AGBL1: variants seen among roughly 807,000 people sequenced by gnomAD.
AGBL1 encodes the protein cytosolic carboxypeptidase 4.
A neutral mutation model predicts 118.9 loss-of-function variants in AGBL1; 130 were observed. The ratio of observed to expected loss-of-function variants is 1.09; its 90% CI spans 0.95 to 1.26. AGBL1 has a LOEUF of 1.26. AGBL1 is among the 50% of genes most tolerant of loss of function. AGBL1 has a pLI of 0.00. For synonymous variants in AGBL1, 555 were observed against 478.9 expected, an observed-to-expected ratio of 1.16 and a Z score of -2.08; for missense variants, 1,584 against 1,298.1, an observed-to-expected ratio of 1.22 and a Z score of -3.38.
At chr15:86,409,150 A>G (rs762370229) in intron 18 of AGBL1, among the ~76,000 whole-genome samples, 1 of 152,176 alleles carries the variant, frequency 6.6e-6, no homozygotes, top group South Asian at 2.1e-4. Flanking sequence ...GGCATCCGCA[A>G]TGCGTCTTCA....
intron 22 of AGBL1, among the ~76,000 whole-genome samples, chr15:86,715,799 C>T (rs1198751668): frequency 6.6e-6 from 1 of 152,092 alleles, no homozygotes; most frequent in African/African-American, 2.4e-5. Context: ...TGGCTCACAC[C>T]TGTAATCCCA....
intron 18 of AGBL1, among the ~76,000 whole-genome samples, chr15:86,432,263 A>G (rs1253716542): frequency 6.6e-6 from 1 of 152,174 alleles, no homozygotes; most frequent in Non-Finnish European, 1.5e-5. Flanking sequence ...GTTTTTACCT[A>G]GGGTATTTTT....
intron 18 of AGBL1, among the ~76,000 whole-genome samples, chr15:86,520,062 C>T (rs1202125518): frequency 6.6e-6 from 1 of 152,140 alleles, no homozygotes; most frequent in Non-Finnish European, 1.5e-5. Flanking sequence ...GCCTGGAGTT[C>T]TTAGTCAAGA....
chr15:86,818,752 G>A (rs1484244931), intron 22 of AGBL1, among the ~76,000 whole-genome samples: 2 of 152,160 alleles, frequency 1.3e-5, no homozygotes, highest in African/African-American at 2.4e-5. Context: ...GTACAACATC[G>A]TGGCTCAGCA....
intron 1 of AGBL1, among the ~76,000 whole-genome samples, chr15:86,095,595 A>T (rs575506572): frequency 1.3e-5 from 2 of 151,354 alleles, no homozygotes; most frequent in East Asian, 3.9e-4. Context: ...CTGGGGATGA[A>T]GACCAAATAT....
chr15:86,861,429 T>G (rs1383159737), intron 22 of AGBL1, among the ~76,000 whole-genome samples: 1 of 152,244 alleles, frequency 6.6e-6, no homozygotes, highest in Non-Finnish European at 1.5e-5. Context: ...AGTTAGGTTA[T>G]GTTATTATCC....
chr15:86,409,867 C>T (rs2081585506), intron 18 of AGBL1, among the ~76,000 whole-genome samples: 2 of 152,106 alleles, frequency 1.3e-5, no homozygotes, highest in Non-Finnish European at 1.5e-5. Flanking sequence ...TTCCTTCCTC[C>T]CCTCCTCTGA....
At chr15:86,560,941 T>C (rs554738512) in intron 21 of AGBL1, among the ~76,000 whole-genome samples, 1 of 152,326 alleles carries the variant, frequency 6.6e-6, no homozygotes, top group South Asian at 2.1e-4. Flanking sequence ...ATGTCTTCTT[T>C]TGAGAAGTGT....
intron 19 of AGBL1, 56 bp downstream of exon 19, chr15:86,522,995 A>AAGCAG: frequency 6.4e-7 from 1 of 1,570,666 alleles, no homozygotes; most frequent in Non-Finnish European, 8.8e-7. Flanking sequence ...ACCTTCCAGG[A>AAGCAG]AGCAGAGTAT....
At chr15:86,791,751 T>TATATATATATATATA (rs1596484565) in intron 22 of AGBL1, among the ~76,000 whole-genome samples, 5 of 149,406 alleles carry the variant, frequency 3.3e-5, no homozygotes, top group Non-Finnish European at 4.4e-5. Context: ...TATATATATA[T>TATATATATATATATA]TTTGAGACAG....
intron 6 of AGBL1, among the ~76,000 whole-genome samples, chr15:86,246,041 A>G (rs1234094760): frequency 6.6e-6 from 1 of 152,056 alleles, no homozygotes; most frequent in East Asian, 1.9e-4. Context: ...GCAAGCCACC[A>G]CATTTGGCTT....
intron 22 of AGBL1, among the ~76,000 whole-genome samples, chr15:86,689,654 C>A (rs2086127847): frequency 6.6e-6 from 1 of 151,930 alleles, no homozygotes; most frequent in South Asian, 2.1e-4. Context: ...ACACCCATGG[C>A]ATTACCTCAA....
At chr15:86,976,870 T>C (rs184243795) in intron 23 of AGBL1, among the ~76,000 whole-genome samples, 340 of 152,182 alleles carry the variant, frequency 2.2e-3, no homozygotes, top group African/African-American at 7.7e-3. Flanking sequence ...TGTATGGATC[T>C]GTTGCTGTCC....
chr15:86,996,756 G>A (rs2081384037), intron 24 of AGBL1, among the ~76,000 whole-genome samples: 1 of 152,122 alleles, frequency 6.6e-6, no homozygotes, highest in Non-Finnish European at 1.5e-5. Context: ...CTAAAGCATG[G>A]TTTTGACTGA....
intron 22 of AGBL1, among the ~76,000 whole-genome samples, chr15:86,797,260 T>G (rs959551319): frequency 2.2e-4 from 34 of 152,218 alleles, no homozygotes; most frequent in African/African-American, 7.0e-4. Flanking sequence ...TGACATTTTG[T>G]GGGTATGCAC....
chr15:86,778,563 T>C (rs140793559), intron 22 of AGBL1, among the ~76,000 whole-genome samples: 8,148 of 152,264 alleles, frequency 0.054, 304 homozygotes, highest in Admixed American at 0.086. Flanking sequence ...TCAGCGATAT[T>C]TCTCCCATTT....
At chr15:86,308,788 T>A (rs78305580) in intron 17 of AGBL1, among the ~76,000 whole-genome samples, 1,883 of 152,344 alleles carry the variant, frequency 0.012, 12 homozygotes, top group Non-Finnish European at 0.019. Context: ...GTAAGTTCGT[T>A]TTTATGATAG....
chr15:86,269,668 TA>T (rs1307450929), intron 13 of AGBL1, among the ~76,000 whole-genome samples: 1 of 152,300 alleles, frequency 6.6e-6, no homozygotes, highest in East Asian at 1.9e-4. Context: ...CATAATAGTT[TA>T]AAAAAATTTA....
intron 5 of AGBL1, among the ~76,000 whole-genome samples, chr15:86,211,498 T>C (rs1198572230): frequency 6.6e-6 from 1 of 152,196 alleles, no homozygotes; most frequent in African/African-American, 2.4e-5. Flanking sequence ...CTCCACCCAG[T>C]TCAAGCTTCC....
Sources: gnomAD v4.1 joint callset for allele counts (sites outside exome capture counted in the v4.1 genomes callset) on GRCh38, gnomAD v4.1.1 for gene constraint, MANE v1.5 for transcripts, NCBI Gene and HGNC (gene_info 2026-07-23, HGNC 2026-07-21) for gene names.